KIF26B: variants seen among roughly 807,000 people sequenced by gnomAD.
The protein encoded by KIF26B is kinesin-like protein KIF26B.
Under a neutral mutation model 151.2 loss-of-function variants are expected in KIF26B, and 63 were observed. That is an observed-to-expected ratio of 0.42 (90% CI 0.34 to 0.51). The LOEUF is 0.51. Among genes scored for constraint, KIF26B ranks in the 20% least tolerant of loss-of-function variants. The probability of loss-of-function intolerance (pLI) is 0.07; values close to 1 mark genes in which losing one functional copy is unlikely to be tolerated. For synonymous variants in KIF26B, 1,357 were observed against 1,262.1 expected (o/e 1.08, Z -1.59); for missense variants, 2,813 against 2,913.6 (o/e 0.97, Z 0.79).
intron 10 of KIF26B, among the ~76,000 whole-genome samples, chr1:245,679,027 G>C (rs1170123994): frequency 2.0e-5 from 3 of 152,048 alleles, no homozygotes; most frequent in Non-Finnish European, 2.9e-5. Context: ...TTCTCTGCTT[G>C]GTGGTTCAGT....
At chr1:245,390,921 C>CAAAAAAA (rs796799193) in intron 3 of KIF26B, among the ~76,000 whole-genome samples, 2 of 13,442 alleles carry the variant, frequency 1.5e-4, no homozygotes, top group East Asian at 4.0e-3. Flanking sequence ...GACCCTGTCT[C>CAAAAAAA]AAAAAAAAAA....
chr1:245,604,933 G>A (rs935895758), intron 6 of KIF26B, among the ~76,000 whole-genome samples: 1 of 152,184 alleles, frequency 6.6e-6, no homozygotes, highest in Non-Finnish European at 1.5e-5. Context: ...CAAGGAAACC[G>A]AGACTCAAAG....
intron 4 of KIF26B, among the ~76,000 whole-genome samples, chr1:245,427,705 A>G (rs1044501169): frequency 6.6e-6 from 1 of 152,086 alleles, no homozygotes; most frequent in Non-Finnish European, 1.5e-5. Context: ...TTTTGTTTTC[A>G]CTGAAGCATA....
Position 245,687,890 on chromosome 1 carries a change from G to A in KIF26B, c.4907G>A (p.Gly1636Asp), listed in dbSNP as rs747245613. The A allele has an allele frequency of 1.9e-6, 3 of 1,591,416 alleles. No individual in the cohort carries two copies. The Admixed American group carries it at 5.2e-5, about 28-fold the overall frequency. ...PLNQPAAFPAGLPDEPSGKTK... is the reference protein window; with the variant it reads ...PLNQPAAFPADLPDEPSGKTK... ...AACCAACCAGCCGCCTTCCCGGCGGGCCTCCCAGACGAGCCTAGCGGCAAG... is the reference window on the plus strand; with the variant it reads ...AACCAACCAGCCGCCTTCCCGGCGGACCTCCCAGACGAGCCTAGCGGCAAG... Residue 1636 changes from glycine to aspartate, a missense_variant, in exon 12 of 15, where the codon GGC becomes GAC. Around this residue, in one of 3 missense-constraint regions of KIF26B, gnomAD observed 2,060 missense variants for 2,088.6 expected, o/e 0.99. Coordinates refer to ENST00000407071, the MANE Select transcript of KIF26B (RefSeq NM_018012.4). The surrounding 1 kb of genome is among the most constrained non-coding windows in gnomAD (Gnocchi z 4.9).
intron 2 of KIF26B, among the ~76,000 whole-genome samples, chr1:245,181,112 G>A (rs184141751): frequency 7.2e-5 from 11 of 152,242 alleles, no homozygotes; most frequent in East Asian, 1.9e-4. Flanking sequence ...TTAAAGTTTC[G>A]TGCCATTATC....
chr1:245,519,553 C>CAA (rs35436009), intron 4 of KIF26B, among the ~76,000 whole-genome samples: 3 of 142,828 alleles, frequency 2.1e-5, no homozygotes, highest in African/African-American at 8.0e-5. Flanking sequence ...AACCCCATCT[C>CAA]AAAAAAAAAA....
chr1:245,580,889 T>C (rs2043169249), intron 5 of KIF26B, among the ~76,000 whole-genome samples: 1 of 152,230 alleles, frequency 6.6e-6, no homozygotes, highest in South Asian at 2.1e-4. Flanking sequence ...TCATAATGGA[T>C]GGAAAAGCTA....
chr1:245,220,938 G>A (rs1669754475), intron 2 of KIF26B, among the ~76,000 whole-genome samples: 1 of 152,082 alleles, frequency 6.6e-6, no homozygotes, highest in Non-Finnish European at 1.5e-5. Flanking sequence ...GGGAAAGAAG[G>A]GGATCGGGAA....
chr1:245,301,524 AGT>A (rs1558380878), intron 2 of KIF26B, among the ~76,000 whole-genome samples: 1 of 152,068 alleles, frequency 6.6e-6, no homozygotes, highest in Non-Finnish European at 1.5e-5. Flanking sequence ...CGGGCTGCTT[AGT>A]GGTACTCTGG....
intron 5 of KIF26B, among the ~76,000 whole-genome samples, chr1:245,577,275 G>A (rs1044711299): frequency 3.3e-5 from 5 of 152,100 alleles, no homozygotes; most frequent in Admixed American, 2.0e-4. Context: ...TCTATCCTCT[G>A]GATGCCAGTA....
At chr1:245,656,667 A>T (rs914566391) in intron 10 of KIF26B, among the ~76,000 whole-genome samples, 1 of 152,216 alleles carries the variant, frequency 6.6e-6, no homozygotes, top group African/African-American at 2.4e-5. Context: ...GACAGGATGG[A>T]GCATACAAAT....
At chr1:245,642,630 G>A (rs2043905677) in intron 9 of KIF26B, among the ~76,000 whole-genome samples, 1 of 150,478 alleles carries the variant, frequency 6.6e-6, no homozygotes, top group Non-Finnish European at 1.5e-5. Flanking sequence ...AAATGGGCAT[G>A]CATCTTCTAG....
At chr1:245,548,286 A>T (rs1286893714) in intron 5 of KIF26B, among the ~76,000 whole-genome samples, 1 of 108,734 alleles carries the variant, frequency 9.2e-6, no homozygotes, top group Admixed American at 9.9e-5. Flanking sequence ...GTTGAACTTA[A>T]AAAAAAAAAT....
intron 4 of KIF26B, among the ~76,000 whole-genome samples, chr1:245,454,080 G>A (rs4658776): frequency 0.24 from 36,067 of 152,012 alleles, 4,441 homozygotes; most frequent in East Asian, 0.31. Flanking sequence ...TTGAAGTAGG[G>A]TGATTCAGCC....
intron 3 of KIF26B, among the ~76,000 whole-genome samples, chr1:245,401,355 A>G (rs1673996858): frequency 6.6e-6 from 1 of 152,210 alleles, no homozygotes; most frequent in African/African-American, 2.4e-5. Context: ...ATAAGCAAAA[A>G]CACTGGGAGA....
chr1:245,648,310 T>C (rs1478007820), intron 10 of KIF26B, among the ~76,000 whole-genome samples: 3 of 152,200 alleles, frequency 2.0e-5, no homozygotes, highest in Non-Finnish European at 4.4e-5. Flanking sequence ...TAACTTCCTT[T>C]TAGTTAGAGT....
intron 4 of KIF26B, among the ~76,000 whole-genome samples, chr1:245,435,130 CCCATCCATCCATCCATCCAT>C (rs34535359): frequency 7.8e-4 from 113 of 145,226 alleles, no homozygotes; most frequent in Admixed American, 3.0e-3. Flanking sequence ...TCTCCATCTA[CCCATCCATCCATCCATCCAT>C]CCATCCATCC....
chr1:245,177,013 C>T (rs892862216), intron 2 of KIF26B, among the ~76,000 whole-genome samples: 4 of 152,168 alleles, frequency 2.6e-5, no homozygotes, highest in Non-Finnish European at 4.4e-5. Flanking sequence ...TGGAGTGCAG[C>T]AGCATGATCC....
chr1:245,417,758 A>G (rs1674454904), intron 3 of KIF26B, among the ~76,000 whole-genome samples: 1 of 152,224 alleles, frequency 6.6e-6, no homozygotes, highest in African/African-American at 2.4e-5. Flanking sequence ...ACCCACCCAG[A>G]AAGCTGTGCC....
Sources: gnomAD v4.1 joint callset for allele counts (sites outside exome capture counted in the v4.1 genomes callset) on GRCh38, gnomAD v4.1.1 for gene constraint, gnomAD v4.1.1 regional missense constraint, Gnocchi (gnomAD v3.1) non-coding constraint, MANE v1.5 for transcripts, NCBI Gene and HGNC (gene_info 2026-07-23, HGNC 2026-07-21) for gene names.